Variants in GALNTL6 observed in about 807,000 individuals in gnomAD.
The protein encoded by GALNTL6 is polypeptide N-acetylgalactosaminyltransferase-like 6.
In GALNTL6, 46 loss-of-function variants were observed where a neutral mutation model predicts 73.7. That is an observed-to-expected ratio of 0.62 (90% CI 0.49 to 0.80). GALNTL6 has a LOEUF of 0.80. Ranked by LOEUF, GALNTL6 falls within the 30% of genes least tolerant of loss-of-function variation. The pLI is 0.00. For synonymous variants in GALNTL6, 259 were observed against 263.7 expected, an observed-to-expected ratio of 0.98 and a Z score of 0.17; for missense variants, 604 against 755.0, an observed-to-expected ratio of 0.80 and a Z score of 2.34.
intron 5 of GALNTL6, among the ~76,000 whole-genome samples, chr4:172,789,954 C>G (rs895353026): frequency 2.0e-5 from 3 of 152,234 alleles, no homozygotes; most frequent in African/African-American, 4.8e-5. Context: ...AGACCACGTG[C>G]ACCAAGCACT....
At chr4:172,987,672 T>A (rs1326829791) in intron 10 of GALNTL6, among the ~76,000 whole-genome samples, 1 of 152,168 alleles carries the variant, frequency 6.6e-6, no homozygotes, top group Non-Finnish European at 1.5e-5. Flanking sequence ...AGTGACTGGA[T>A]CATGGGGGCA....
intron 3 of GALNTL6, among the ~76,000 whole-genome samples, chr4:172,245,144 A>T (rs1274928065): frequency 6.6e-6 from 1 of 152,096 alleles, no homozygotes; most frequent in Admixed American, 6.6e-5. Context: ...TCTACCATTC[A>T]TTTTCCTCAG....
At chr4:172,167,454 A>G (rs1183961489) in intron 2 of GALNTL6, among the ~76,000 whole-genome samples, 1 of 152,218 alleles carries the variant, frequency 6.6e-6, no homozygotes, top group African/African-American at 2.4e-5. Context: ...GTTGTTGCTT[A>G]CCTGCTTAGA....
chr4:172,704,508 C>A (rs1734209744), intron 5 of GALNTL6, among the ~76,000 whole-genome samples: 1 of 151,728 alleles, frequency 6.6e-6, no homozygotes, highest in African/African-American at 2.4e-5. Context: ...ATACAGTTTC[C>A]AAAGTTCCTC....
At chr4:172,937,145 T>C (rs1220564041) in intron 9 of GALNTL6, among the ~76,000 whole-genome samples, 1 of 151,984 alleles carries the variant, frequency 6.6e-6, no homozygotes, top group Non-Finnish European at 1.5e-5. Flanking sequence ...CTTTACTCCT[T>C]GACTGTAGGG....
intron 2 of GALNTL6, among the ~76,000 whole-genome samples, chr4:172,131,120 C>G (rs1410524092): frequency 6.6e-6 from 1 of 151,654 alleles, no homozygotes; most frequent in African/African-American, 2.4e-5. Flanking sequence ...GGGCTTTTGT[C>G]AAAGAAGATT....
At chr4:172,780,182 CTTAAAAA>C (rs1442600281) in intron 5 of GALNTL6, among the ~76,000 whole-genome samples, 32 of 151,794 alleles carry the variant, frequency 2.1e-4, no homozygotes, top group African/African-American at 7.7e-4. Context: ...AACATCAAAT[CTTAAAAA>C]TTAGAATCTT....
chr4:172,344,342 C>T (rs1212472795), intron 4 of GALNTL6, among the ~76,000 whole-genome samples: 1 of 152,128 alleles, frequency 6.6e-6, no homozygotes, highest in Non-Finnish European at 1.5e-5. Flanking sequence ...GAATCCAATG[C>T]CTGAGCTTGG....
At chr4:172,537,886 A>C (rs1322821973) in intron 5 of GALNTL6, among the ~76,000 whole-genome samples, 1 of 152,164 alleles carries the variant, frequency 6.6e-6, no homozygotes. Context: ...CATTGAACAC[A>C]TTAGAGAATA....
intron 2 of GALNTL6, among the ~76,000 whole-genome samples, chr4:171,994,133 A>G (rs1423980303): frequency 2.0e-5 from 3 of 152,048 alleles, no homozygotes; most frequent in African/African-American, 7.2e-5. Flanking sequence ...TTATAGAAGT[A>G]TGGTGATTGA....
intron 4 of GALNTL6, among the ~76,000 whole-genome samples, chr4:172,324,060 C>T (rs571111799): frequency 1.3e-5 from 2 of 152,050 alleles, no homozygotes; most frequent in African/African-American, 4.8e-5. Flanking sequence ...ATATAACTTG[C>T]TGCCTGTTTA....
At chr4:172,398,772 C>A (rs918108467) in intron 5 of GALNTL6, among the ~76,000 whole-genome samples, 1 of 151,998 alleles carries the variant, frequency 6.6e-6, no homozygotes, top group African/African-American at 2.4e-5. Flanking sequence ...ACATAGAAAT[C>A]GAATTATGTT....
chr4:172,009,120 A>G (rs1740924420), intron 2 of GALNTL6, among the ~76,000 whole-genome samples: 1 of 151,956 alleles, frequency 6.6e-6, no homozygotes, highest in Non-Finnish European at 1.5e-5. Flanking sequence ...GAGATATAGG[A>G]CCTATATATT....
chr4:172,095,267 A>G (rs1732318163), intron 2 of GALNTL6, among the ~76,000 whole-genome samples: 1 of 152,126 alleles, frequency 6.6e-6, no homozygotes, highest in South Asian at 2.1e-4. Flanking sequence ...GCTCTGAGGT[A>G]GCAAAGGATG....
intron 5 of GALNTL6, among the ~76,000 whole-genome samples, chr4:172,457,568 C>T (rs958035673): frequency 2.0e-5 from 3 of 152,110 alleles, no homozygotes; most frequent in Admixed American, 2.0e-4. Flanking sequence ...CAATCCTAGC[C>T]TCTGATAAAA....
chr4:172,732,191 C>T (rs1376523350), intron 5 of GALNTL6, among the ~76,000 whole-genome samples: 1 of 152,094 alleles, frequency 6.6e-6, no homozygotes, highest in African/African-American at 2.4e-5. Context: ...TAGGTCTATT[C>T]ATGATTGCTT....
At chr4:172,913,443 C>T (rs186473499) in intron 8 of GALNTL6, among the ~76,000 whole-genome samples, 40 of 152,080 alleles carry the variant, frequency 2.6e-4, no homozygotes, top group Non-Finnish European at 4.1e-4. Context: ...CTAACTTCTT[C>T]GAGCTAAAGG....
At chr4:172,194,101 C>T (rs572581118) in intron 2 of GALNTL6, among the ~76,000 whole-genome samples, 1 of 152,218 alleles carries the variant, frequency 6.6e-6, no homozygotes, top group South Asian at 2.1e-4. Context: ...TAAAACATTA[C>T]AGGAGCTGTT....
At chr4:172,926,609 C>CT (rs1748074110) in intron 8 of GALNTL6, among the ~76,000 whole-genome samples, 1 of 152,206 alleles carries the variant, frequency 6.6e-6, no homozygotes, top group South Asian at 2.1e-4. Context: ...CCTCCACAAG[C>CT]TAATCAATAT....
Sources: allele counts gnomAD v4.1 joint callset (sites outside exome capture counted in the v4.1 genomes callset), GRCh38; gene constraint gnomAD v4.1.1; transcripts MANE v1.5; gene names NCBI Gene and HGNC (gene_info 2026-07-23, HGNC 2026-07-21).